Variants in DNAH7 observed in about 807,000 individuals in gnomAD.
DNAH7 encodes the protein dynein axonemal heavy chain 7.
Under a neutral mutation model 444.6 loss-of-function variants are expected in DNAH7, and 397 were observed. That is an observed-to-expected ratio of 0.89 (90% CI 0.82 to 0.97). DNAH7 has a LOEUF of 0.97. DNAH7 is among the 50% of genes least tolerant of loss of function. DNAH7 has a pLI of 0.00. For synonymous variants in DNAH7, 1,636 were observed against 1,624.4 expected (o/e 1.01, Z -0.17); for missense variants, 4,902 against 4,800.8 (o/e 1.02, Z -0.62).
At chr2:195,966,545 G>A (rs1691491451) in intron 17 of DNAH7, among the ~76,000 whole-genome samples, 1 of 150,720 alleles carries the variant, frequency 6.6e-6, no homozygotes, top group Non-Finnish European at 1.5e-5. Context: ...CAAAAGTGAG[G>A]TGTTTAACTC....
Position 195,897,652 on chromosome 2 carries a change from A to AAT in DNAH7, c.4647+13_4647+14dup, listed in dbSNP as rs761722990. On this transcript the variant is annotated intron_variant, in intron 29 of 64. Coordinates refer to ENST00000312428, the MANE Select transcript of DNAH7 (RefSeq NM_018897.3). Reference sequence around the variant, plus strand: ...TATAAGAGTTTTGATGCATTGGGATAATGAATGTTCTTACCTCAAAGAGTG... The same window carrying AAT: ...TATAAGAGTTTTGATGCATTGGGATAATATGAATGTTCTTACCTCAAAGAGTG... 9 of 1,447,562 alleles carry AAT rather than the reference A, an allele frequency of 6.2e-6. No homozygotes were observed. In the South Asian group the frequency reaches 1.1e-4, roughly 18 times the overall value. The allele number at this position is 1,447,562 out of a possible 1,614,324, so 89.7% of individuals were successfully genotyped here. A position where few individuals can be genotyped will look rare whatever the true frequency, so the allele number is the denominator to read the frequency against.
At chr2:195,805,780 T>C (rs1266665901) in intron 54 of DNAH7, among the ~76,000 whole-genome samples, 1 of 152,194 alleles carries the variant, frequency 6.6e-6, no homozygotes, top group Non-Finnish European at 1.5e-5. Flanking sequence ...CTGTGCCTAA[T>C]GGATACTTGG....
intron 17 of DNAH7, among the ~76,000 whole-genome samples, chr2:195,967,071 T>G (rs1691528160): frequency 6.6e-6 from 1 of 152,172 alleles, no homozygotes; most frequent in African/African-American, 2.4e-5. Context: ...AAGGTGATTT[T>G]CTCTGGTAGT....
Position 195,777,878 on chromosome 2 carries a change from G to C in DNAH7, c.10986C>G (p.Phe3662Leu). 1 of 1,614,176 alleles carries C rather than the reference G, an allele frequency of 6.2e-7. No individual in the cohort carries two copies. Among genetic ancestry groups the C allele is most frequent in the South Asian group, 1.1e-5 (1 of 91,078 alleles). ...RRTLRSILNK[F>L]FNPELVENSD... The stretch of plus-strand genomic sequence containing the variant: ...AATTTTCAACTAATTCGGGATTGAA[G>C]AATTTGTTTAGAATGCTGCGCAGCG... The change falls in exon 59 of 65, where the codon TTC becomes TTG. Residue 3662 changes from phenylalanine to leucine, a missense_variant. Phe to Leu is a conservative substitution (Grantham distance 22, BLOSUM62 0). Transcript: ENST00000312428.
intron 40 of DNAH7, among the ~76,000 whole-genome samples, chr2:195,868,880 AG>A (rs1700511955): frequency 6.7e-6 from 1 of 149,236 alleles, no homozygotes; most frequent in South Asian, 2.2e-4. Context: ...AAGGTTATCT[AG>A]TATGATAATG....
intron 63 of DNAH7, among the ~76,000 whole-genome samples, chr2:195,744,733 C>G (rs1194912489): frequency 6.6e-6 from 1 of 152,180 alleles, no homozygotes; most frequent in African/African-American, 2.4e-5. Flanking sequence ...CTGCTGTTAC[C>G]CAGGCAAACA....
intron 2 of DNAH7, among the ~76,000 whole-genome samples, chr2:196,055,506 T>TGC (rs1697748902): frequency 6.6e-6 from 1 of 152,222 alleles, no homozygotes; most frequent in South Asian, 2.1e-4. Context: ...ACATATACAA[T>TGC]GCTGTAACCC....
chr2:195,991,052 T>G (rs1693305256), intron 12 of DNAH7, among the ~76,000 whole-genome samples: 1 of 150,350 alleles, frequency 6.7e-6, no homozygotes, highest in Admixed American at 6.7e-5. Context: ...TTACACCCAT[T>G]TGAGGTGATT....
chr2:195,972,830 A>G (rs1438162162), intron 15 of DNAH7, among the ~76,000 whole-genome samples: 3 of 152,190 alleles, frequency 2.0e-5, no homozygotes, highest in African/African-American at 7.2e-5. Flanking sequence ...TGCTGGCAAT[A>G]CACTGTGATG....
Position 195,787,081 on chromosome 2 carries a change from G to A in DNAH7, c.10807C>T (p.Pro3603Ser). The A allele has an allele frequency of 6.2e-7, 1 of 1,612,834 alleles. No individual in the cohort carries two copies. The change falls in exon 58 of 65, where the codon CCT (proline) becomes TCT (serine). Residue 3603 changes from proline (P) to serine (S), a missense_variant. Coordinates refer to ENST00000312428, the MANE Select transcript of DNAH7 (RefSeq NM_018897.3). ...AGATCTGTCTCATTGAACTCATAAGGAATATTCCACCCTAGGGGTCCAAAT... is the reference window on the plus strand; with the variant it reads ...AGATCTGTCTCATTGAACTCATAAGAAATATTCCACCCTAGGGGTCCAAAT... ...RKFGPLGWNIPYEFNETDLRI... is the reference protein window; with the variant it reads ...RKFGPLGWNISYEFNETDLRI...
In DNAH7 at chr2:195,910,171, C is replaced by T; in HGVS notation, c.3960G>A (p.Leu1320=). Residue 1320 remains leucine (L), a synonymous_variant, in exon 25 of 65, where the codon TTG becomes TTA. Coordinates refer to ENST00000312428, the MANE Select transcript of DNAH7 (RefSeq NM_018897.3). ...CYRTLFGALH[L]HLGGAPEGPA... ...GACCCTCAGGTGCTCCTCCAAGGTG[C>T]AAATGAAGGGCTCCAAATAAGGTTC... 5 of 1,610,012 alleles carry T rather than the reference C, an allele frequency of 3.1e-6. No individual in the cohort carries two copies. Among genetic ancestry groups the T allele is most frequent in the Non-Finnish European group, 4.2e-6 (5 of 1,178,240 alleles).
chr2:195,758,227 AT>A (rs1263698986), intron 61 of DNAH7, among the ~76,000 whole-genome samples: 2 of 152,248 alleles, frequency 1.3e-5, no homozygotes, highest in African/African-American at 2.4e-5. Flanking sequence ...TATTGTGTTC[AT>A]TCAACATGAT....
chr2:195,960,295 T>A lies in DNAH7; in HGVS notation c.2856A>T (p.Gly952=). The change falls in exon 18 of 65, where the codon GGA becomes GGT. Residue 952 remains glycine (G), a synonymous_variant. Coordinates refer to ENST00000312428, the MANE Select transcript of DNAH7 (RefSeq NM_018897.3). ...DHIIKTQTMR[G]SPFIKPYEKQ... ...TTTCATAAGGCTTAATGAAAGGAGA[T>A]CCTCGCATAGTTTGTGTTTTAATAA... is the stretch of plus-strand genomic sequence containing the variant. The A allele has an allele frequency of 6.2e-7, 1 of 1,613,196 alleles. No homozygotes were observed. The highest frequency in any genetic ancestry group is 8.5e-7 in the Non-Finnish European group (1 of 1,179,734).
chr2:196,009,056 A>AG (rs1169739656), intron 10 of DNAH7, among the ~76,000 whole-genome samples: 2 of 152,140 alleles, frequency 1.3e-5, no homozygotes, highest in Admixed American at 1.3e-4. Context: ...ATACACTTTT[A>AG]AACAACCAGA....
chr2:196,051,344 G>A lies in DNAH7; in HGVS notation c.79-95C>T, dbSNP rs1697454784. ...ATTTTACAGAAAGACTATTTAAAAA[G>A]TACATATTATCCAACATATTCAAAG... On this transcript the variant is annotated intron_variant, in intron 2 of 64. Transcript: ENST00000312428. 2.6e-5 allele frequency: 24 copies of A among 914,840 alleles called. No homozygotes were observed. In the East Asian group the frequency reaches 5.4e-4, roughly 20 times the overall value. 56.7% of individuals were successfully genotyped at this position (914,840 alleles called of 1,614,324 possible).
At chr2:195,833,656 C>T (rs988600344) in intron 48 of DNAH7, among the ~76,000 whole-genome samples, 1 of 152,068 alleles carries the variant, frequency 6.6e-6, no homozygotes, top group African/African-American at 2.4e-5. Context: ...TACATAAGAG[C>T]TGTATTGAAA....
chr2:195,970,195 T>A, intron 16 of DNAH7, 101 bp from the exon 17 acceptor site: 1 of 1,107,834 alleles, frequency 9.0e-7, no homozygotes, highest in Non-Finnish European at 1.2e-6. Flanking sequence ...TATTATATTT[T>A]GTCACTGGTA....
Position 195,787,169 on chromosome 2 carries a change from C to T in DNAH7, c.10719G>A (p.Glu3573=), listed in dbSNP as rs1334536771. The change falls in exon 58 of 65, where the codon GAG becomes GAA. Residue 3573 remains glutamate (E), a splice_region_variant and synonymous_variant. Transcript: ENST00000312428. ...PEFFGSCKKP[E]EFKKLLYGLC... is the part of the protein sequence containing the mutation. ...GGCCATAAAGCAATTTCTTGAATTC[C>T]TCCTGTAATGAGAAGAAATGATGCC... is the stretch of plus-strand genomic sequence containing the variant. 6.3e-7 allele frequency: 1 copy of T among 1,594,348 alleles called. No homozygotes were observed. Among genetic ancestry groups the T allele is most frequent in the Non-Finnish European group, 8.5e-7 (1 of 1,174,098 alleles).
intron 17 of DNAH7, among the ~76,000 whole-genome samples, chr2:195,962,656 T>A (rs1199359433): frequency 6.6e-6 from 1 of 152,160 alleles, no homozygotes; most frequent in Non-Finnish European, 1.5e-5. Context: ...GGCCCTGTTT[T>A]AGGTTATTTT....
Sources: gnomAD v4.1 joint callset for allele counts (sites outside exome capture counted in the v4.1 genomes callset) on GRCh38, gnomAD v4.1.1 for gene constraint, MANE v1.5 for transcripts, NCBI Gene and HGNC (gene_info 2026-07-23, HGNC 2026-07-21) for gene names.